The following THSD7B variants were observed in gnomAD, a reference collection of about 807,000 sequenced individuals.
THSD7B encodes thrombospondin type-1 domain-containing protein 7B.
A neutral mutation model predicts 213.6 loss-of-function variants in THSD7B; 138 were observed. The ratio of observed to expected loss-of-function variants is 0.65; its 90% confidence interval spans 0.56 to 0.74. The LOEUF is 0.74. Among genes scored for constraint, THSD7B ranks in the 30% least tolerant of loss-of-function variants. The pLI is 0.00. For synonymous variants in THSD7B, 742 were observed against 687.0 expected (o/e 1.08, Z -1.25); for missense variants, 1,931 against 1,991.5 (o/e 0.97, Z 0.58).
At chr2:137,391,000 G>T (rs1487736510) in intron 12 of THSD7B, among the ~76,000 whole-genome samples, 1 of 152,078 alleles carries the variant, frequency 6.6e-6, no homozygotes, top group Non-Finnish European at 1.5e-5. Flanking sequence ...GTGTGTGTGT[G>T]TGTGTGTTGT....
intron 2 of THSD7B, among the ~76,000 whole-genome samples, chr2:136,952,673 G>T (rs898482747): frequency 1.3e-5 from 2 of 152,084 alleles, no homozygotes; most frequent in African/African-American, 4.8e-5. Flanking sequence ...GGTTCTCAAA[G>T]AACCTAAAAT....
intron 21 of THSD7B, among the ~76,000 whole-genome samples, chr2:137,650,769 T>C (rs576622048): frequency 1.3e-5 from 2 of 152,310 alleles, no homozygotes; most frequent in South Asian, 4.1e-4. Context: ...CTGTATCTAA[T>C]TTGTCAAGAG....
chr2:137,566,748 GT>G (rs1681246188), intron 16 of THSD7B, among the ~76,000 whole-genome samples: 1 of 151,748 alleles, frequency 6.6e-6, no homozygotes, highest in African/African-American at 2.4e-5. Context: ...TATAATAGCA[GT>G]AGAGATAATC....
intron 10 of THSD7B, among the ~76,000 whole-genome samples, chr2:137,255,014 TTGCAATGTAAACA>T (rs1682272802): frequency 6.6e-6 from 1 of 152,160 alleles, no homozygotes; most frequent in Non-Finnish European, 1.5e-5. Context: ...TTTTATATTC[TTGCAATGTAAACA>T]TGCAATGTAA....
chr2:136,914,537 T>C (rs958616772), intron 2 of THSD7B, among the ~76,000 whole-genome samples: 15 of 152,194 alleles, frequency 9.9e-5, no homozygotes, highest in African/African-American at 3.4e-4. Context: ...CCACATTTTG[T>C]GGGAGAGACC....
At chr2:137,509,248 T>C (rs891152545) in intron 15 of THSD7B, among the ~76,000 whole-genome samples, 8 of 151,726 alleles carry the variant, frequency 5.3e-5, no homozygotes, top group Admixed American at 4.6e-4. Context: ...CTTTTCTTTT[T>C]CCTTCCTTCC....
intron 5 of THSD7B, among the ~76,000 whole-genome samples, chr2:137,119,012 A>G (rs1025410455): frequency 1.3e-5 from 2 of 152,160 alleles, no homozygotes; most frequent in African/African-American, 2.4e-5. Flanking sequence ...CCATGATTCA[A>G]TTATCTCCCA....
chr2:136,997,143 A>G (rs1685907063), intron 2 of THSD7B, among the ~76,000 whole-genome samples: 1 of 152,208 alleles, frequency 6.6e-6, no homozygotes, highest in Non-Finnish European at 1.5e-5. Context: ...GGAATAAAAT[A>G]CATTGTGCTG....
At chr2:137,633,686 CA>C (rs1288884393) in intron 20 of THSD7B, among the ~76,000 whole-genome samples, 5 of 151,966 alleles carry the variant, frequency 3.3e-5, no homozygotes, top group African/African-American at 1.2e-4. Context: ...AGCCTGAAAC[CA>C]GGGTTGATAA....
intron 1 of THSD7B, among the ~76,000 whole-genome samples, chr2:136,822,178 T>C (rs1682574437): frequency 6.6e-6 from 1 of 152,204 alleles, no homozygotes; most frequent in Non-Finnish European, 1.5e-5. Context: ...AAGTAGAGAC[T>C]AATGCTTTTG....
intron 27 of THSD7B, among the ~76,000 whole-genome samples, chr2:137,668,165 C>G (rs1373621633): frequency 2.0e-5 from 3 of 152,162 alleles, no homozygotes. Flanking sequence ...CCTAGGGAAT[C>G]AGGCTTGATC....
chr2:137,100,904 G>C (rs749033), intron 4 of THSD7B, among the ~76,000 whole-genome samples: 49,465 of 151,952 alleles, frequency 0.33, 10,258 homozygotes, highest in African/African-American at 0.59. Context: ...AAAAAAATCT[G>C]TCTGTCATTG....
chr2:137,375,334 CT>C (rs1362574589), intron 12 of THSD7B, among the ~76,000 whole-genome samples: 39 of 152,100 alleles, frequency 2.6e-4, no homozygotes, highest in Admixed American at 9.2e-4. Context: ...ATATACATCA[CT>C]TTAAGCAAAT....
intron 2 of THSD7B, among the ~76,000 whole-genome samples, chr2:136,974,363 G>A (rs1047238537): frequency 1.4e-4 from 20 of 147,906 alleles, no homozygotes; most frequent in South Asian, 4.4e-4. Flanking sequence ...CCCCCGCCCC[G>A]CACAGGCCCC....
chr2:137,432,874 A>G (rs1275376397), intron 14 of THSD7B, among the ~76,000 whole-genome samples: 2 of 152,216 alleles, frequency 1.3e-5, no homozygotes, highest in East Asian at 1.9e-4. Flanking sequence ...AGAAATTTAG[A>G]CAGACACTAA....
intron 1 of THSD7B, among the ~76,000 whole-genome samples, chr2:136,823,834 TC>T (rs2104940125): frequency 6.6e-6 from 1 of 152,334 alleles, no homozygotes; most frequent in East Asian, 1.9e-4. Context: ...ATAAGTTTCT[TC>T]CTTTGAATTG....
rs199688229 is a variant in THSD7B, at chr2:137,572,003, G to T, written c.3273-403G>T. On this transcript the variant is annotated intron_variant, in intron 16 of 27. Coordinates refer to ENST00000409968, the MANE Select transcript of THSD7B (RefSeq NM_001316349.2). ...TAAGAAAGCCACAGGAAGTAGGAAG[G>T]TTCTAGCTATCACAAAGTGATGGAT... is the stretch of plus-strand genomic sequence containing the variant. 3.4e-4 allele frequency among the ~76,000 whole-genome samples: 52 copies of T among 151,436 alleles called. No individual in the cohort carries two copies. The East Asian group carries it at 9.4e-3, about 28-fold the overall frequency.
At chr2:137,497,115 C>T (rs1679585700) in intron 15 of THSD7B, among the ~76,000 whole-genome samples, 1 of 151,946 alleles carries the variant, frequency 6.6e-6, no homozygotes, top group Non-Finnish European at 1.5e-5. Context: ...AATATGCAGG[C>T]AAAGACTTCC....
At chr2:137,233,252 T>C (rs1681683848) in intron 9 of THSD7B, 119 bp downstream of exon 9, 1 of 904,422 alleles carries the variant, frequency 1.1e-6, no homozygotes, top group Non-Finnish European at 1.7e-6. Flanking sequence ...GAGGGTTTGT[T>C]GTTGCTGTTT....
Sources: gnomAD v4.1 joint callset for allele counts (sites outside exome capture counted in the v4.1 genomes callset) on GRCh38, gnomAD v4.1.1 for gene constraint, MANE v1.5 for transcripts, NCBI Gene and HGNC (gene_info 2026-07-23, HGNC 2026-07-21) for gene names.